RSBN1L: variants seen among roughly 807,000 people sequenced by gnomAD.
RSBN1L encodes round spermatid basic protein 1 like.
In RSBN1L, 30 loss-of-function variants were observed where a neutral mutation model predicts 67.7. The observed-to-expected ratio is 0.44, with a 90% CI of 0.33 to 0.60. The LOEUF is 0.60. Among genes scored for constraint, RSBN1L ranks in the 20% least tolerant of loss-of-function variants. The probability of loss-of-function intolerance (pLI) is 0.02; values close to 1 mark genes in which losing one functional copy is unlikely to be tolerated. For missense variants in RSBN1L, 992 were observed against 1,031.7 expected, an observed-to-expected ratio of 0.96 and a Z score of 0.53; for synonymous variants, 433 against 387.0, an observed-to-expected ratio of 1.12 and a Z score of -1.39.
intron 6 of RSBN1L, among the ~76,000 whole-genome samples, chr7:77,777,507 G>C (rs1335619785): frequency 6.6e-6 from 1 of 151,198 alleles, no homozygotes; most frequent in Non-Finnish European, 1.5e-5. Flanking sequence ...GGTGGATATA[G>C]AATTCTAGAT....
intron 2 of RSBN1L, among the ~76,000 whole-genome samples, chr7:77,743,134 C>T (rs1247511703): frequency 6.6e-6 from 1 of 151,978 alleles, no homozygotes; most frequent in East Asian, 1.9e-4. Context: ...GCCACTGCAG[C>T]CTTTACCTCC....
rs1232298237 is a variant in RSBN1L at position 77,779,062 on chromosome 7, A to T, written c.2435A>T (p.Asp812Val). 4 of 1,613,860 alleles carry T rather than the reference A, an allele frequency of 2.5e-6. No individual in the cohort carries two copies. Among genetic ancestry groups the T allele is most frequent in the Non-Finnish European group, 3.4e-6 (4 of 1,179,804 alleles). The change falls in exon 8 of 8, where the codon GAT (aspartate) becomes GTT (valine). Residue 812 changes from aspartate to valine, a missense_variant. Asp to Val is a radical substitution (Grantham distance 152). Coordinates refer to ENST00000334955, the MANE Select transcript of RSBN1L (RefSeq NM_198467.3). ...MDSKFENSNK[D>V]LKEELCPGNL... ...TCTAAATTTGAAAATAGCAACAAAG[A>T]TTTAAAGGAAGAATTGTGCCCTGGA...
chr7:77,746,483 G>A (rs1352776305), intron 2 of RSBN1L, among the ~76,000 whole-genome samples: 1 of 152,154 alleles, frequency 6.6e-6, no homozygotes, highest in African/African-American at 2.4e-5. Flanking sequence ...TGTAATTGGG[G>A]ATTACAGTTC....
intron 1 of RSBN1L, among the ~76,000 whole-genome samples, chr7:77,714,681 G>T (rs1791022292): frequency 6.6e-6 from 1 of 152,094 alleles, no homozygotes. Flanking sequence ...TGTAGTGGGT[G>T]GCCGGGCACG....
At chr7:77,700,367 T>C (rs1790798953) in intron 1 of RSBN1L, among the ~76,000 whole-genome samples, 1 of 152,234 alleles carries the variant, frequency 6.6e-6, no homozygotes, top group Non-Finnish European at 1.5e-5. Flanking sequence ...TTAGTACTTT[T>C]GCTTTGTATT....
chr7:77,702,257 C>T (rs1008077034), intron 1 of RSBN1L, among the ~76,000 whole-genome samples: 7 of 152,190 alleles, frequency 4.6e-5, no homozygotes, highest in South Asian at 2.1e-4. Flanking sequence ...TGAGCCACTG[C>T]GCCTGGAAAA....
intron 1 of RSBN1L, among the ~76,000 whole-genome samples, chr7:77,712,988 T>C (rs1038915572): frequency 7.9e-5 from 12 of 152,190 alleles, no homozygotes; most frequent in Admixed American, 2.0e-4. Context: ...AGACTGTCCA[T>C]TTTTTACATT....
intron 2 of RSBN1L, among the ~76,000 whole-genome samples, chr7:77,739,054 C>T (rs988888424): frequency 6.6e-5 from 10 of 152,160 alleles, no homozygotes; most frequent in East Asian, 1.9e-4. Context: ...CAGTGCTTGT[C>T]GCATTGAAAG....
At chr7:77,757,217 A>G (rs1469388424) in intron 3 of RSBN1L, among the ~76,000 whole-genome samples, 3 of 152,216 alleles carry the variant, frequency 2.0e-5, no homozygotes, top group Admixed American at 1.3e-4. Flanking sequence ...CATCTGTTCA[A>G]CTTTATTAAA....
intron 3 of RSBN1L, among the ~76,000 whole-genome samples, chr7:77,753,096 C>G (rs911679654): frequency 4.6e-5 from 7 of 152,142 alleles, no homozygotes; most frequent in African/African-American, 1.7e-4. Flanking sequence ...GCTGGTAGAA[C>G]ACGGATGCTA....
At chr7:77,702,151 A>G (rs2150411067) in intron 1 of RSBN1L, among the ~76,000 whole-genome samples, 1 of 151,854 alleles carries the variant, frequency 6.6e-6, no homozygotes, top group East Asian at 1.9e-4. Flanking sequence ...ATTTTTGAGT[A>G]GAGATAGGGT....
At chr7:77,733,241 G>A (rs1791293365) in intron 1 of RSBN1L, among the ~76,000 whole-genome samples, 1 of 152,226 alleles carries the variant, frequency 6.6e-6, no homozygotes. Context: ...TGAGAGGTGA[G>A]AGCAAGACAG....
chr7:77,779,156 C>T lies in RSBN1L; in HGVS notation c.2529C>T (p.Asp843=), dbSNP rs1791960626. Residue 843 remains aspartate, a synonymous_variant, in exon 8 of 8, where the codon GAC becomes GAT. Coordinates refer to ENST00000334955, the MANE Select transcript of RSBN1L (RefSeq NM_198467.3). Reference sequence around the variant, plus strand: ...CAAATCAAGATAAAAAAGACGATGACATTTTGTGCTAAATTTGCATATACC... The same window carrying T: ...CAAATCAAGATAAAAAAGACGATGATATTTTGTGCTAAATTTGCATATACC... The part of the protein sequence containing the change: ...AHSNQDKKDD[D]ILC The T allele has an allele frequency of 1.9e-6, 3 of 1,578,138 alleles. No individual in the cohort carries two copies. The highest frequency in any genetic ancestry group is 3.9e-5 in the Admixed American group (2 of 50,772).
At chr7:77,777,646 CTT>C (rs1037262488) in intron 6 of RSBN1L, among the ~76,000 whole-genome samples, 9 of 151,942 alleles carry the variant, frequency 5.9e-5, no homozygotes, top group African/African-American at 2.2e-4. Flanking sequence ...CAGATTTTCT[CTT>C]TTATCACTGG....
intron 3 of RSBN1L, 132 bp downstream of exon 3, chr7:77,750,196 G>A (rs1791537116): frequency 2.8e-6 from 1 of 353,468 alleles, no homozygotes; most frequent in Non-Finnish European, 4.7e-6. Flanking sequence ...AGTATTAAGA[G>A]TAAATTACTT....
chr7:77,716,213 T>G (rs1446199309), intron 1 of RSBN1L, among the ~76,000 whole-genome samples: 1 of 152,240 alleles, frequency 6.6e-6, no homozygotes, highest in Non-Finnish European at 1.5e-5. Flanking sequence ...AGGCATTTTA[T>G]AGGTTTAGGT....
intron 6 of RSBN1L, among the ~76,000 whole-genome samples, chr7:77,777,090 C>T (rs1270302867): frequency 6.6e-6 from 1 of 151,608 alleles, no homozygotes; most frequent in East Asian, 1.9e-4. Flanking sequence ...CAACTTACCA[C>T]AATCTACCTT....
chr7:77,750,207 T>G, intron 3 of RSBN1L, 143 bp downstream of exon 3: 2 of 392,002 alleles, frequency 5.1e-6, no homozygotes, highest in Non-Finnish European at 8.6e-6. Flanking sequence ...TAAATTACTT[T>G]CTTGATGTGA....
chr7:77,745,359 T>C (rs1181939573), intron 2 of RSBN1L, among the ~76,000 whole-genome samples: 1 of 152,180 alleles, frequency 6.6e-6, no homozygotes, highest in Non-Finnish European at 1.5e-5. Flanking sequence ...ATTCATACTT[T>C]CATTAAATAT....
Sources: gnomAD v4.1 joint callset for allele counts (sites outside exome capture counted in the v4.1 genomes callset) on GRCh38, gnomAD v4.1.1 for gene constraint, MANE v1.5 for transcripts, NCBI Gene and HGNC (gene_info 2026-07-23, HGNC 2026-07-21) for gene names.